Variants in TAFA2 observed in about 807,000 individuals in gnomAD.
TAFA2 encodes TAFA chemokine like family member 2.
Under a neutral mutation model 18.8 loss-of-function variants are expected in TAFA2, and 7 were observed. That is an observed-to-expected ratio of 0.37 (90% CI 0.21 to 0.70). The LOEUF is 0.70. TAFA2 is among the 30% of genes least tolerant of loss of function. The pLI, the probability that TAFA2 is intolerant of heterozygous loss-of-function variation, is 0.53. For synonymous variants in TAFA2, 60 were observed against 54.2 expected, an observed-to-expected ratio of 1.11 and a Z score of -0.47; for missense variants, 122 against 158.1, an observed-to-expected ratio of 0.77 and a Z score of 1.23.
At chr12:61,831,046 A>C (rs1440820560) in intron 2 of TAFA2, among the ~76,000 whole-genome samples, 1 of 152,070 alleles carries the variant, frequency 6.6e-6, no homozygotes, top group Non-Finnish European at 1.5e-5. Context: ...TTGTAGACTA[A>C]CAATTTAGTT....
intron 1 of TAFA2, among the ~76,000 whole-genome samples, chr12:62,035,126 T>C (rs1387574375): frequency 6.6e-6 from 1 of 152,196 alleles, no homozygotes; most frequent in East Asian, 1.9e-4. Context: ...CCCCTCTATG[T>C]GTCAAAAATA....
chr12:61,752,291 A>G (rs1592365739), intron 4 of TAFA2, among the ~76,000 whole-genome samples: 1 of 152,020 alleles, frequency 6.6e-6, no homozygotes, highest in East Asian at 1.9e-4. Flanking sequence ...CTGAAGTAAT[A>G]AAAACAAAGA....
chr12:61,733,941 T>G (rs1401226151), intron 4 of TAFA2, among the ~76,000 whole-genome samples: 11 of 148,880 alleles, frequency 7.4e-5, no homozygotes, highest in Non-Finnish European at 1.3e-4. Context: ...TATCCTCTTT[T>G]ATTTCCTTGA....
At chr12:62,244,037 G>A (rs2062873894) in intron 1 of TAFA2, among the ~76,000 whole-genome samples, 1 of 149,902 alleles carries the variant, frequency 6.7e-6, no homozygotes, top group Non-Finnish European at 1.5e-5. Flanking sequence ...CAGTCCTCCT[G>A]CCTTGACTTC....
chr12:61,806,692 T>A (rs943951223), intron 2 of TAFA2, among the ~76,000 whole-genome samples: 5 of 152,264 alleles, frequency 3.3e-5, no homozygotes, highest in African/African-American at 7.2e-5. Context: ...GATAGCAATA[T>A]AGACAATAAA....
chr12:61,896,802 C>A (rs1875864741), intron 1 of TAFA2, among the ~76,000 whole-genome samples: 1 of 152,062 alleles, frequency 6.6e-6, no homozygotes, highest in Non-Finnish European at 1.5e-5. Context: ...TTCTAAGAGA[C>A]CCTGGAACCT....
intron 1 of TAFA2, among the ~76,000 whole-genome samples, chr12:62,217,621 C>A (rs2062740999): frequency 6.6e-6 from 1 of 152,172 alleles, no homozygotes; most frequent in South Asian, 2.1e-4. Context: ...TTATAAGGCC[C>A]AGCCCTTCCT....
chr12:61,714,923 G>C (rs551786260), intron 4 of TAFA2, among the ~76,000 whole-genome samples: 8 of 152,336 alleles, frequency 5.3e-5, no homozygotes, highest in African/African-American at 1.9e-4. Flanking sequence ...TTGTTCGGCA[G>C]ACTGCCCAGG....
intron 2 of TAFA2, among the ~76,000 whole-genome samples, chr12:61,841,602 G>C (rs1459833442): frequency 6.6e-6 from 1 of 151,888 alleles, no homozygotes; most frequent in South Asian, 2.1e-4. Flanking sequence ...TGTTCTTTTT[G>C]CCTGGAATTT....
At chr12:62,209,980 C>G (rs1409914795) in intron 1 of TAFA2, among the ~76,000 whole-genome samples, 1 of 152,090 alleles carries the variant, frequency 6.6e-6, no homozygotes, top group Non-Finnish European at 1.5e-5. Flanking sequence ...GGAGGCAGAT[C>G]ACGAGGTCAG....
In TAFA2 at chr12:62,064,558, G is replaced by A. The variant is rs192400448; in HGVS notation, c.-2+126701C>T. On this transcript the variant is annotated intron_variant, in intron 1 of 4. Coordinates refer to ENST00000416284, the MANE Select transcript of TAFA2 (RefSeq NM_178539.5). The stretch of plus-strand genomic sequence containing the variant: ...CACCACTCAAATCTGTTGGACTTCG[G>A]TTTTCAAATTTCCTCCAGAACCATA... Among the ~76,000 whole-genome samples the A allele has an allele frequency of 3.3e-5, 5 of 152,202 alleles. No homozygotes were observed. In the East Asian group the frequency reaches 9.6e-4, roughly 29 times the overall value.
chr12:62,180,237 A>G (rs1402708916), intron 1 of TAFA2, among the ~76,000 whole-genome samples: 1 of 152,230 alleles, frequency 6.6e-6, no homozygotes, highest in African/African-American at 2.4e-5. Context: ...GAAGAAGAAT[A>G]GATACATCTT....
At chr12:62,042,559 C>T (rs1319683020) in intron 1 of TAFA2, among the ~76,000 whole-genome samples, 1 of 152,000 alleles carries the variant, frequency 6.6e-6, no homozygotes, top group Non-Finnish European at 1.5e-5. Context: ...TACCTGAAAC[C>T]TTACTATTAG....
At chr12:61,910,455 G>A (rs7976758) in intron 1 of TAFA2, among the ~76,000 whole-genome samples, 121,456 of 152,098 alleles carry the variant, frequency 0.8, 49,118 homozygotes, top group African/African-American at 0.91. Flanking sequence ...GTGACTGCAC[G>A]GCTGTGACTT....
At chr12:62,235,532 C>T in intron 1 of TAFA2, 1 of 456,850 alleles carries the variant, frequency 2.2e-6, no homozygotes, top group Non-Finnish European at 4.1e-6. Context: ...TAGGTGGTGT[C>T]TAGACTCTCT....
chr12:62,066,823 T>C (rs572503251), intron 1 of TAFA2, among the ~76,000 whole-genome samples: 101 of 152,172 alleles, frequency 6.6e-4, no homozygotes, highest in Non-Finnish European at 1.1e-3. Context: ...CTTTTGGACA[T>C]ATATTCAGCA....
At position 61,937,627 on chromosome 12, in the gene TAFA2, C is replaced by T. The variant is rs117774849; in HGVS notation, c.-1-70201G>A. ...CATGTAGAAGAATGAACCTGGATCC[C>T]TATCTTTCACCTTATACAAAAATCA... On this transcript the variant is annotated intron_variant, in intron 1 of 4. Transcript: ENST00000416284. 1.5e-4 allele frequency among the ~76,000 whole-genome samples: 23 copies of T among 152,236 alleles called. No homozygotes were observed. The East Asian group carries it at 4.1e-3, about 27-fold the overall frequency.
intron 1 of TAFA2, among the ~76,000 whole-genome samples, chr12:61,888,116 T>C (rs1414591706): frequency 6.6e-6 from 1 of 151,966 alleles, no homozygotes; most frequent in East Asian, 1.9e-4. Context: ...ACAGGAACAC[T>C]TTTACACTGT....
At chr12:61,892,381 G>C (rs1232321602) in intron 1 of TAFA2, among the ~76,000 whole-genome samples, 1 of 152,144 alleles carries the variant, frequency 6.6e-6, no homozygotes, top group Non-Finnish European at 1.5e-5. Context: ...TTAACTTCTA[G>C]AGCACATAGA....
Sources: allele counts gnomAD v4.1 joint callset (sites outside exome capture counted in the v4.1 genomes callset), GRCh38; gene constraint gnomAD v4.1.1; transcripts MANE v1.5; gene names NCBI Gene and HGNC (gene_info 2026-07-23, HGNC 2026-07-21).